Variants in SGPP2 observed in about 807,000 individuals in gnomAD.
SGPP2 encodes the protein sphingosine 1-phosphate phosphohydrolase 2.
SGPP2 carries 30 observed loss-of-function variants against 33.9 expected under a neutral mutation model. The ratio of observed to expected loss-of-function variants is 0.89; its 90% CI spans 0.66 to 1.20. The LOEUF is 1.20. Ranked by LOEUF, SGPP2 falls within the 50% of genes most tolerant of loss-of-function variation. The probability of loss-of-function intolerance (pLI) is 0.00; values close to 1 mark genes in which losing one functional copy is unlikely to be tolerated. For missense variants in SGPP2, 458 were observed against 532.1 expected (o/e 0.86, Z 1.37); for synonymous variants, 233 against 225.0 (o/e 1.04, Z -0.32).
At chr2:222,535,955 G>A (rs1402649337) in intron 4 of SGPP2, among the ~76,000 whole-genome samples, 1 of 152,200 alleles carries the variant, frequency 6.6e-6, no homozygotes, top group Non-Finnish European at 1.5e-5. Flanking sequence ...TACTGAGAAT[G>A]CATCCACTTT....
At position 222,424,656 on chromosome 2, in the gene SGPP2, G is replaced by T; in HGVS notation, c.54G>T (p.Gln18His). 7.0e-7 allele frequency: 1 copy of T among 1,436,256 alleles called. No homozygotes were observed. Among genetic ancestry groups the T allele is most frequent in the South Asian group, 1.4e-5 (1 of 73,490 alleles). The allele number at this position is 1,436,256 out of a possible 1,614,324, so 89.0% of individuals were successfully genotyped here. A position where few individuals can be genotyped will look rare whatever the true frequency, so the allele number is the denominator to read the frequency against. Reference sequence around the variant, plus strand: ...ATTCCCAGCTCGTCGCCCGCTTCCAGCGCCGCTGCGGGCTCTTCCCCGCTC... The same window carrying T: ...ATTCCCAGCTCGTCGCCCGCTTCCATCGCCGCTGCGGGCTCTTCCCCGCTC... The part of the protein sequence containing the change: ...LQDSQLVARF[Q>H]RRCGLFPAPD... Residue 18 changes from glutamine to histidine, a missense_variant, in exon 1 of 5, where the codon CAG becomes CAT. By Grantham distance (24) the Gln-to-His change is conservative. Transcript: ENST00000321276.
At chr2:222,511,284 G>A (rs771787240) in intron 2 of SGPP2, among the ~76,000 whole-genome samples, 1 of 152,116 alleles carries the variant, frequency 6.6e-6, no homozygotes, top group African/African-American at 2.4e-5. Flanking sequence ...GTGAATGGTC[G>A]ACTATCCAGA....
At chr2:222,492,616 C>A (rs901298623) in intron 2 of SGPP2, among the ~76,000 whole-genome samples, 3 of 152,238 alleles carry the variant, frequency 2.0e-5, no homozygotes, top group Non-Finnish European at 4.4e-5. Context: ...CTCTGACATG[C>A]TCTGGAGACG....
chr2:222,505,178 A>G (rs1484296164), intron 2 of SGPP2, among the ~76,000 whole-genome samples: 1 of 152,236 alleles, frequency 6.6e-6, no homozygotes, highest in Admixed American at 6.5e-5. Context: ...ACATGCATGC[A>G]TTCTCTCAGT....
chr2:222,550,105 C>T lies in SGPP2; in HGVS notation c.649-8242C>T, dbSNP rs550878268. 3.9e-5 allele frequency among the ~76,000 whole-genome samples: 6 copies of T among 152,130 alleles called. No individual in the cohort carries two copies. Among genetic ancestry groups the T allele is most frequent in the African/African-American group, 1.4e-4 (6 of 41,514 alleles). ...ATATTGGCCAGACTGGTCCTGAACT[C>T]GTGACCTCGTGATCCACCCGCCTCG... On this transcript the variant is annotated intron_variant, in intron 4 of 4. Transcript: ENST00000321276. The surrounding 1 kb of genome is among the most constrained non-coding windows in gnomAD (Gnocchi z 4.5).
At chr2:222,504,452 G>T (rs530739715) in intron 2 of SGPP2, 1 of 152,184 alleles carries the variant, frequency 6.6e-6, no homozygotes, top group Non-Finnish European at 1.5e-5. Context: ...CATCTTCACA[G>T]TTCTCTCCCA....
At position 222,460,469 on chromosome 2, in the gene SGPP2, G is replaced by A. The variant is rs1234164163; in HGVS notation, c.220-14099G>A. ...CAATATGTCTGTGACTTCTCCTTAA[G>A]ATACATTTGAATCTGAAAAACAATG... On this transcript the variant is annotated intron_variant, in intron 1 of 4. Coordinates refer to ENST00000321276, the MANE Select transcript of SGPP2 (RefSeq NM_152386.4). This position sits in a 1 kb window ranked among gnomAD's most constrained non-coding sequence, Gnocchi z 4.3. 6.6e-6 allele frequency among the ~76,000 whole-genome samples: 1 copy of A among 152,176 alleles called. No homozygotes were observed. Among genetic ancestry groups the A allele is most frequent in the African/African-American group, 2.4e-5 (1 of 41,430 alleles).
chr2:222,474,101 CA>C (rs1415111822), intron 1 of SGPP2, among the ~76,000 whole-genome samples: 2 of 151,976 alleles, frequency 1.3e-5, no homozygotes, highest in Admixed American at 1.3e-4. Flanking sequence ...TATTATGTAT[CA>C]ATACAAATTT....
Position 222,477,507 on chromosome 2 carries a change from G to A in SGPP2, c.378+2781G>A, listed in dbSNP as rs918611542. On this transcript the variant is annotated intron_variant, in intron 2 of 4. Coordinates refer to ENST00000321276, the MANE Select transcript of SGPP2 (RefSeq NM_152386.4). The surrounding 1 kb of genome is among the most constrained non-coding windows in gnomAD (Gnocchi z 6.0). ...TATAGGTGTGTATATATGTTTATGT[G>A]TATATATATGTCTGTGTATATATGT... Among the ~76,000 whole-genome samples, 3 of 151,794 alleles carry A rather than the reference G, an allele frequency of 2.0e-5. No homozygotes were observed. Among genetic ancestry groups the A allele is most frequent in the Admixed American group, 1.3e-4 (2 of 15,224 alleles).
chr2:222,424,657 C>A lies in SGPP2; in HGVS notation c.55C>A (p.Arg19Ser). ...TTCCCAGCTCGTCGCCCGCTTCCAG[C>A]GCCGCTGCGGGCTCTTCCCCGCTCC... is the stretch of plus-strand genomic sequence containing the variant. ...QDSQLVARFQ[R>S]RCGLFPAPDE... is the part of the protein sequence containing the mutation. The change falls in exon 1 of 5, where the codon CGC (arginine) becomes AGC (serine). Residue 19 changes from arginine to serine, a missense_variant. By Grantham distance (110) the Arg-to-Ser change is moderately radical. Coordinates refer to ENST00000321276, the MANE Select transcript of SGPP2 (RefSeq NM_152386.4). 3 of 1,436,088 alleles carry A rather than the reference C, an allele frequency of 2.1e-6. No homozygotes were observed. Among genetic ancestry groups the A allele is most frequent in the Non-Finnish European group, 2.7e-6 (3 of 1,093,708 alleles). The allele number at this position is 1,436,088 out of a possible 1,614,324, so 89.0% of individuals were successfully genotyped here. A position where few individuals can be genotyped will look rare whatever the true frequency, so the allele number is the denominator to read the frequency against.
intron 4 of SGPP2, among the ~76,000 whole-genome samples, chr2:222,556,903 T>C (rs1452032006): frequency 7.0e-6 from 1 of 143,246 alleles, no homozygotes; most frequent in African/African-American, 2.6e-5. Context: ...CTCCTCCCCA[T>C]CCACTCTTAC....
Position 222,467,965 on chromosome 2 carries a change from A to C in SGPP2, c.220-6603A>C, listed in dbSNP as rs957210053. On this transcript the variant is annotated intron_variant, in intron 1 of 4. Coordinates refer to ENST00000321276, the MANE Select transcript of SGPP2 (RefSeq NM_152386.4). The stretch of plus-strand genomic sequence containing the variant: ...GCTCTAATCTGAAAAAAAAAAAAAA[A>C]AAAAAAAAAAAAAAAAAAAAAAACA... Among the ~76,000 whole-genome samples the C allele has an allele frequency of 6.7e-3, 814 of 121,060 alleles. 3 individuals carry two copies. Among genetic ancestry groups the C allele is most frequent in the African/African-American group, 0.038 (762 of 19,868 alleles). The allele number at this position is 121,060 out of a possible 152,430, so 79.4% of individuals were successfully genotyped here. A position where few individuals can be genotyped will look rare whatever the true frequency, so the allele number is the denominator to read the frequency against.
chr2:222,502,522 T>A (rs1469492532), intron 2 of SGPP2, among the ~76,000 whole-genome samples: 1 of 152,244 alleles, frequency 6.6e-6, no homozygotes, highest in Non-Finnish European at 1.5e-5. Flanking sequence ...AGAACTCCCA[T>A]GAGTATTTCC....
Position 222,424,685 on chromosome 2 carries a change from A to G in SGPP2, c.83A>G (p.Asp28Gly). The change falls in exon 1 of 5, where the codon GAT becomes GGT. Residue 28 changes from aspartate (D) to glycine (G), a missense_variant. Asp to Gly is a moderately conservative substitution (Grantham distance 94, BLOSUM62 -1). Coordinates refer to ENST00000321276, the MANE Select transcript of SGPP2 (RefSeq NM_152386.4). ...QRRCGLFPAP[D>G]EGPRENGADP... Reference sequence around the variant, plus strand: ...CGCTGCGGGCTCTTCCCCGCTCCGGATGAAGGCCCCCGGGAGAACGGCGCG... The same window carrying G: ...CGCTGCGGGCTCTTCCCCGCTCCGGGTGAAGGCCCCCGGGAGAACGGCGCG... The G allele has an allele frequency of 6.9e-7, 1 of 1,450,100 alleles. No individual in the cohort carries two copies. The highest frequency in any genetic ancestry group is 9.1e-7 in the Non-Finnish European group (1 of 1,103,356). The allele number at this position is 1,450,100 out of a possible 1,614,324, so 89.8% of individuals were successfully genotyped here. A position where few individuals can be genotyped will look rare whatever the true frequency, so the allele number is the denominator to read the frequency against.
chr2:222,429,085 G>T (rs1472312378), intron 1 of SGPP2, among the ~76,000 whole-genome samples: 1 of 152,156 alleles, frequency 6.6e-6, no homozygotes, highest in Non-Finnish European at 1.5e-5. Context: ...CTCCCAAAGT[G>T]CTGGGATTAC....
intron 1 of SGPP2, among the ~76,000 whole-genome samples, chr2:222,463,979 G>A (rs1574843766): frequency 1.3e-5 from 2 of 148,312 alleles, no homozygotes; most frequent in South Asian, 2.1e-4. Context: ...ACGTGTGTTG[G>A]GGTGAGGGGA....
chr2:222,492,222 G>A (rs918978244), intron 2 of SGPP2, among the ~76,000 whole-genome samples: 2 of 152,136 alleles, frequency 1.3e-5, no homozygotes, highest in African/African-American at 4.8e-5. Context: ...CTGTGTAAAG[G>A]CTCCAACCCC....
At chr2:222,485,125 C>T (rs149973477) in intron 2 of SGPP2, among the ~76,000 whole-genome samples, 243 of 152,286 alleles carry the variant, frequency 1.6e-3, no homozygotes, top group African/African-American at 5.6e-3. Flanking sequence ...TCATCCCTGG[C>T]GCGCTCTCTA....
intron 2 of SGPP2, among the ~76,000 whole-genome samples, chr2:222,521,489 A>G (rs1179144451): frequency 6.6e-6 from 1 of 150,474 alleles, no homozygotes; most frequent in Non-Finnish European, 1.5e-5. Context: ...AGTGTCCAAC[A>G]CATATATAAG....
Sources: gnomAD v4.1 joint callset for allele counts (sites outside exome capture counted in the v4.1 genomes callset) on GRCh38, gnomAD v4.1.1 for gene constraint, Gnocchi (gnomAD v3.1) non-coding constraint, MANE v1.5 for transcripts, NCBI Gene and HGNC (gene_info 2026-07-23, HGNC 2026-07-21) for gene names.